NELL2: variants seen among roughly 807,000 people sequenced by gnomAD.
NELL2 encodes the protein neural EGFL like 2.
A neutral mutation model predicts 109.6 loss-of-function variants in NELL2; 41 were observed. The ratio of observed to expected loss-of-function variants is 0.37; its 90% confidence interval spans 0.29 to 0.49. The LOEUF is 0.49. Among genes scored for constraint, NELL2 ranks in the 20% least tolerant of loss-of-function variants. The pLI, the probability that NELL2 is intolerant of heterozygous loss-of-function variation, is 0.98. For missense variants in NELL2, 900 were observed against 1,008.3 expected (o/e 0.89, Z 1.45); for synonymous variants, 355 against 344.7 (o/e 1.03, Z -0.33).
At chr12:44,618,160 T>C (rs1945909278) in intron 13 of NELL2, among the ~76,000 whole-genome samples, 1 of 152,216 alleles carries the variant, frequency 6.6e-6, no homozygotes, top group African/African-American at 2.4e-5. Context: ...AGTCATACTG[T>C]AAACTTATTT....
chr12:44,629,350 T>C (rs1180554943), intron 13 of NELL2, among the ~76,000 whole-genome samples: 1 of 152,216 alleles, frequency 6.6e-6, no homozygotes, highest in Non-Finnish European at 1.5e-5. Context: ...GATTATCTAG[T>C]CAATAGAATT....
chr12:44,909,875 A>G (rs1178015931), intron 1 of NELL2, among the ~76,000 whole-genome samples: 1 of 151,890 alleles, frequency 6.6e-6, no homozygotes, highest in Non-Finnish European at 1.5e-5. Context: ...AATAAGCAAT[A>G]GGGAAAGGAA....
intron 12 of NELL2, among the ~76,000 whole-genome samples, chr12:44,692,245 T>C (rs1240253082): frequency 1.3e-5 from 2 of 152,266 alleles, no homozygotes; most frequent in South Asian, 4.1e-4. Context: ...GCTAAAACTA[T>C]TCTGCCTATG....
chr12:44,562,375 A>C (rs1431613959), intron 15 of NELL2, among the ~76,000 whole-genome samples: 1 of 152,234 alleles, frequency 6.6e-6, no homozygotes, highest in Non-Finnish European at 1.5e-5. Context: ...CAGAGTGAAC[A>C]GGCAGCCTAC....
chr12:44,640,555 T>C (rs904387207), intron 13 of NELL2, among the ~76,000 whole-genome samples: 1 of 152,242 alleles, frequency 6.6e-6, no homozygotes, highest in Non-Finnish European at 1.5e-5. Context: ...AGTTTTTACA[T>C]TCTACATTGT....
At chr12:44,569,939 T>C (rs1243157740) in intron 15 of NELL2, among the ~76,000 whole-genome samples, 2 of 151,384 alleles carry the variant, frequency 1.3e-5, no homozygotes, top group Non-Finnish European at 2.9e-5. Context: ...ACAGGTTGAG[T>C]TAACACAGCA....
intron 13 of NELL2, among the ~76,000 whole-genome samples, chr12:44,655,371 G>C (rs141136656): frequency 3.0e-4 from 46 of 152,268 alleles, no homozygotes; most frequent in Middle Eastern, 3.4e-3. Flanking sequence ...AAGCCACTAC[G>C]TTGAAGCTGG....
rs151252187 is a variant in NELL2, at chr12:44,627,061, C to T, written c.1445-16091G>A. Among the ~76,000 whole-genome samples, 142 of 152,206 alleles carry T rather than the reference C, an allele frequency of 9.3e-4. 1 individual carries two copies. The highest frequency in any genetic ancestry group is 3.5e-3 in the East Asian group (18 of 5,180). On this transcript the variant is annotated intron_variant, in intron 13 of 19. Coordinates refer to ENST00000429094, the MANE Select transcript of NELL2 (RefSeq NM_001145108.2). ...TTTGACAGCTGGTATGTCCCATGCT[C>T]GTCAAATTCAGTGGTCTGTAACAGG...
At chr12:44,691,352 T>C (rs1046406110) in intron 12 of NELL2, among the ~76,000 whole-genome samples, 4 of 152,126 alleles carry the variant, frequency 2.6e-5, no homozygotes, top group Non-Finnish European at 4.4e-5. Flanking sequence ...ATTCGAATTC[T>C]CCTAAGGCAC....
At position 44,646,450 on chromosome 12, in the gene NELL2, CTA is replaced by C. The variant is rs1947099683; in HGVS notation, c.1444+19032_1444+19033del. Among the ~76,000 whole-genome samples, 3 of 152,158 alleles carry C rather than the reference CTA, an allele frequency of 2.0e-5. No individual in the cohort carries two copies. The South Asian group carries it at 6.2e-4, about 32-fold the overall frequency. On this transcript the variant is annotated intron_variant, in intron 13 of 19. Coordinates refer to ENST00000429094, the MANE Select transcript of NELL2 (RefSeq NM_001145108.2). The stretch of plus-strand genomic sequence containing the variant: ...CAAATAGTACCAAACCCTATATCTG[CTA>C]TGTTTTTCTTATAAATACATACTCA...
intron 1 of NELL2, among the ~76,000 whole-genome samples, chr12:44,898,688 A>T (rs1015352403): frequency 6.6e-6 from 1 of 152,210 alleles, no homozygotes; most frequent in Non-Finnish European, 1.5e-5. Flanking sequence ...AAAAACCAGA[A>T]GGCCTCTTCT....
intron 3 of NELL2, among the ~76,000 whole-genome samples, chr12:44,792,072 T>C (rs1942456673): frequency 6.6e-6 from 1 of 152,028 alleles, no homozygotes; most frequent in Admixed American, 6.6e-5. Flanking sequence ...GTGACGAGGA[T>C]GGTGCCTCAA....
rs1942510451 is a variant in NELL2, at chr12:44,540,616, ATGTT to A, written c.1664-7899_1664-7896del. Among the ~76,000 whole-genome samples the A allele has an allele frequency of 2.6e-5, 4 of 152,024 alleles. No individual in the cohort carries two copies. In the South Asian group the frequency reaches 8.3e-4, roughly 32 times the overall value. On this transcript the variant is annotated intron_variant, in intron 15 of 19. Coordinates refer to ENST00000429094, the MANE Select transcript of NELL2 (RefSeq NM_001145108.2). The stretch of plus-strand genomic sequence containing the variant: ...CAGTTACCCTCAAAGGGCAGAGTGA[ATGTT>A]TGTTTTTTTCCTGCAAGGGAAATAA...
intron 3 of NELL2, among the ~76,000 whole-genome samples, chr12:44,810,650 C>A (rs1371371618): frequency 3.3e-5 from 5 of 152,094 alleles, no homozygotes; most frequent in African/African-American, 7.2e-5. Context: ...AAATTTCAGC[C>A]CCTAAAGCCA....
intron 15 of NELL2, among the ~76,000 whole-genome samples, chr12:44,603,960 A>G (rs1056784933): frequency 2.0e-5 from 3 of 152,182 alleles, no homozygotes; most frequent in Non-Finnish European, 4.4e-5. Context: ...CTAAGCTATC[A>G]GGCAGCATCC....
intron 1 of NELL2, among the ~76,000 whole-genome samples, chr12:44,894,708 C>T (rs1377348479): frequency 2.0e-5 from 3 of 152,126 alleles, no homozygotes; most frequent in Non-Finnish European, 4.4e-5. Flanking sequence ...TTATGGAACA[C>T]GTAATAACAA....
At chr12:44,723,777 T>A (rs970753974) in intron 9 of NELL2, among the ~76,000 whole-genome samples, 1 of 152,174 alleles carries the variant, frequency 6.6e-6, no homozygotes, top group African/African-American at 2.4e-5. Context: ...AAGGGAACTC[T>A]TATACACTGT....
intron 12 of NELL2, among the ~76,000 whole-genome samples, chr12:44,679,834 T>A (rs1869161): frequency 0.13 from 19,277 of 152,096 alleles, 1,446 homozygotes; most frequent in East Asian, 0.2. Flanking sequence ...CCAGATGAAG[T>A]CTCAATTCCT....
At chr12:44,817,044 G>A (rs754084312) in intron 2 of NELL2, among the ~76,000 whole-genome samples, 2 of 152,222 alleles carry the variant, frequency 1.3e-5, no homozygotes, top group East Asian at 1.9e-4. Context: ...TCCTATGCTT[G>A]TCTAGATAAG....
Sources: allele counts gnomAD v4.1 joint callset (sites outside exome capture counted in the v4.1 genomes callset), GRCh38; gene constraint gnomAD v4.1.1; transcripts MANE v1.5; gene names NCBI Gene and HGNC (gene_info 2026-07-23, HGNC 2026-07-21).